Variants in TG observed in about 807,000 individuals in gnomAD.
TG encodes the protein thyroglobulin.
In TG, 270 loss-of-function variants were observed where a neutral mutation model predicts 324.7. The observed-to-expected ratio is 0.83, with a 90% CI of 0.75 to 0.92. The LOEUF (loss-of-function observed/expected upper bound fraction) is 0.92. Among genes scored for constraint, TG ranks in the 40% least tolerant of loss-of-function variants. The pLI, the probability that TG is intolerant of heterozygous loss-of-function variation, is 0.00. For missense variants in TG, 3,591 were observed against 3,456.4 expected, an observed-to-expected ratio of 1.04 and a Z score of -0.98; for synonymous variants, 1,401 against 1,327.0, an observed-to-expected ratio of 1.06 and a Z score of -1.21.
chr8:132,916,864 C>T (rs1474757897), intron 20 of TG, among the ~76,000 whole-genome samples: 1 of 152,168 alleles, frequency 6.6e-6, no homozygotes, highest in East Asian at 1.9e-4. Context: ...TTAACTTTCA[C>T]TCATTCACTA....
At chr8:132,970,620 G>A (rs560326725) in intron 32 of TG, among the ~76,000 whole-genome samples, 1 of 152,292 alleles carries the variant, frequency 6.6e-6, no homozygotes, top group East Asian at 1.9e-4. Context: ...AAAAGATGAG[G>A]CAGGCTAGTC....
At chr8:133,060,032 C>T in intron 41 of TG, 1 of 1,477,436 alleles carries the variant, frequency 6.8e-7, no homozygotes, top group South Asian at 1.4e-5. Context: ...GCATCCACCA[C>T]CGCCCAGTCT....
At chr8:133,045,349 C>T (rs1839131811) in intron 41 of TG, among the ~76,000 whole-genome samples, 1 of 149,522 alleles carries the variant, frequency 6.7e-6, no homozygotes, top group South Asian at 2.1e-4. Context: ...TCACATGGTC[C>T]TTACAGGTTT....
At chr8:133,107,983 T>TC (rs1491030004) in intron 43 of TG, among the ~76,000 whole-genome samples, 1 of 111,660 alleles carries the variant, frequency 9.0e-6, no homozygotes, top group African/African-American at 6.5e-5. Flanking sequence ...TCTTTTCTTC[T>TC]TTTTTTTTTT....
At chr8:133,105,806 G>C (rs762975047) in intron 43 of TG, among the ~76,000 whole-genome samples, 13 of 152,276 alleles carry the variant, frequency 8.5e-5, no homozygotes, top group Non-Finnish European at 1.8e-4. Context: ...GCAGAACGAG[G>C]TTCCAGAAAT....
At chr8:132,880,519 C>T (rs1814504837) in intron 5 of TG, among the ~76,000 whole-genome samples, 1 of 152,184 alleles carries the variant, frequency 6.6e-6, no homozygotes. Flanking sequence ...TGTTATGCAA[C>T]ACGCTTACTG....
intron 35 of TG, among the ~76,000 whole-genome samples, chr8:132,986,392 G>A (rs1359732032): frequency 8.6e-6 from 1 of 115,956 alleles, no homozygotes; most frequent in African/African-American, 3.7e-5. Context: ...GTGTATATAT[G>A]TGTATATATA....
At chr8:133,043,549 TTAA>T (rs1838732788) in intron 41 of TG, among the ~76,000 whole-genome samples, 1 of 152,214 alleles carries the variant, frequency 6.6e-6, no homozygotes, top group South Asian at 2.1e-4. Context: ...ACGATTGTGT[TTAA>T]TAATCACCTG....
chr8:133,128,810 C>T (rs1041845491), intron 45 of TG, among the ~76,000 whole-genome samples: 1 of 152,198 alleles, frequency 6.6e-6, no homozygotes, highest in Admixed American at 6.5e-5. Flanking sequence ...TGCCTCCAGG[C>T]TGACCATATA....
In TG at chr8:133,011,781, A is replaced by G. The variant is rs930421486; in HGVS notation, c.6263-120A>G. The stretch of plus-strand genomic sequence containing the variant: ...GATCAAGCTATAAGGTTGCACAGGA[A>G]TGGAGACCAAGAGGAGGATGCCCCT... On this transcript the variant is annotated intron_variant, in intron 35 of 47. Coordinates refer to ENST00000220616, the MANE Select transcript of TG (RefSeq NM_003235.5). The G allele has an allele frequency of 1.8e-5, 23 of 1,244,236 alleles. No homozygotes were observed. The African/African-American group carries it at 2.8e-4, about 15-fold the overall frequency. The allele number at this position is 1,244,236 out of a possible 1,614,324, so 77.1% of individuals were successfully genotyped here.
intron 41 of TG, among the ~76,000 whole-genome samples, chr8:133,093,431 T>C (rs1847903836): frequency 6.6e-6 from 1 of 152,124 alleles, no homozygotes. Flanking sequence ...CTTGCTTTGT[T>C]TTAAAGCAGG....
At chr8:133,113,808 G>A (rs1850471487) in intron 44 of TG, 2 of 617,094 alleles carry the variant, frequency 3.2e-6, no homozygotes, top group Non-Finnish European at 2.8e-6. Context: ...CTGCTGCCAG[G>A]AAACCCCAAG....
rs1474248492 is a variant in TG, at chr8:132,961,047, A to G, written c.5441A>G (p.Asn1814Ser). 7 of 1,613,918 alleles carry G rather than the reference A, an allele frequency of 4.3e-6. No individual in the cohort carries two copies. The highest frequency in any genetic ancestry group is 1.7e-5 in the Admixed American group (1 of 59,990). Reference protein sequence around the residue: ...PLEGTQDTFTNFQQVYLWKDS... With the variant: ...PLEGTQDTFTSFQQVYLWKDS... ...GAAGGAACTCAAGACACCTTTACCAATTTTCAGCAGGTTTATCTCTGGAAA... is the reference window on the plus strand; with the variant it reads ...GAAGGAACTCAAGACACCTTTACCAGTTTTCAGCAGGTTTATCTCTGGAAA... Residue 1814 changes from asparagine to serine, a missense_variant, in exon 28 of 48, where the codon AAT (asparagine) becomes AGT (serine). Transcript: ENST00000220616.
intron 41 of TG, among the ~76,000 whole-genome samples, chr8:133,053,944 T>G (rs1450408926): frequency 1.3e-5 from 2 of 152,272 alleles, no homozygotes; most frequent in East Asian, 3.9e-4. Context: ...TGCAAGAGAT[T>G]TCACCTCTCT....
chr8:132,940,229 G>A (rs1824248847), intron 25 of TG, among the ~76,000 whole-genome samples: 1 of 152,182 alleles, frequency 6.6e-6, no homozygotes, highest in African/African-American at 2.4e-5. Flanking sequence ...GAGTGGTGAA[G>A]GGCACAGGCC....
At chr8:132,992,691 G>A (rs1242202024) in intron 35 of TG, among the ~76,000 whole-genome samples, 1 of 152,128 alleles carries the variant, frequency 6.6e-6, no homozygotes, top group East Asian at 1.9e-4. Flanking sequence ...CTGGCAGAGA[G>A]ACCACTGTCA....
chr8:132,983,178 G>A (rs1320934623), intron 34 of TG, among the ~76,000 whole-genome samples, 172 bp from the exon 35 acceptor site: 2 of 152,112 alleles, frequency 1.3e-5, no homozygotes, highest in Non-Finnish European at 2.9e-5. Flanking sequence ...TGTTGAGATT[G>A]TTTGTTAGCT....
At chr8:132,922,627 G>A (rs1009620827) in intron 21 of TG, among the ~76,000 whole-genome samples, 4 of 152,206 alleles carry the variant, frequency 2.6e-5, no homozygotes, top group Non-Finnish European at 5.9e-5. Flanking sequence ...CATAAACTGG[G>A]TGGCTTATAA....
At chr8:133,128,337 GCA>G (rs59451880) in intron 45 of TG, among the ~76,000 whole-genome samples, 16,446 of 133,436 alleles carry the variant, frequency 0.12, 967 homozygotes, top group East Asian at 0.21. Flanking sequence ...CAAAAGGCGT[GCA>G]CACACACACA....
Sources: allele counts gnomAD v4.1 joint callset (sites outside exome capture counted in the v4.1 genomes callset), GRCh38; gene constraint gnomAD v4.1.1; transcripts MANE v1.5; gene names NCBI Gene and HGNC (gene_info 2026-07-23, HGNC 2026-07-21).